The following FAM174A variants were observed in gnomAD, a reference collection of about 807,000 sequenced individuals.
FAM174A encodes the protein family with sequence similarity 174 member A, also known as membrane protein FAM174A.
A neutral mutation model predicts 14.3 loss-of-function variants in FAM174A; 14 were observed. The ratio of observed to expected loss-of-function variants is 0.98; its 90% CI spans 0.65 to 1.53. The LOEUF (loss-of-function observed/expected upper bound fraction) is 1.53, where lower values mean the gene tolerates loss of function less well. Among genes scored for constraint, FAM174A ranks in the 40% most tolerant of loss-of-function variants. FAM174A has a pLI of 0.00. For missense variants in FAM174A, 241 were observed against 249.6 expected (o/e 0.97, Z 0.23); for synonymous variants, 108 against 111.4 (o/e 0.97, Z 0.19).
intron 1 of FAM174A, among the ~76,000 whole-genome samples, chr5:100,538,485 G>C (rs912427463): frequency 2.0e-5 from 3 of 151,658 alleles, no homozygotes; most frequent in African/African-American, 7.3e-5. Flanking sequence ...GAACAGTCAG[G>C]TTCTCACTGT....
At chr5:100,566,141 G>GATAGATATATATAGATATAT in intron 2 of FAM174A, among the ~76,000 whole-genome samples, 1 of 81,802 alleles carries the variant, frequency 1.2e-5, no homozygotes, top group Non-Finnish European at 2.4e-5. Flanking sequence ...TGAAAAGTAT[G>GATAGATATATATAGATATAT]ATATATATAT....
intron 1 of FAM174A, among the ~76,000 whole-genome samples, chr5:100,558,619 G>C (rs528187584): frequency 1.8e-3 from 273 of 151,958 alleles, no homozygotes; most frequent in African/African-American, 6.2e-3. Context: ...AATCTGGGTG[G>C]TCCTGTATTG....
At chr5:100,582,599 T>G (rs1027924061) in intron 2 of FAM174A, among the ~76,000 whole-genome samples, 2 of 152,158 alleles carry the variant, frequency 1.3e-5, no homozygotes, top group African/African-American at 2.4e-5. Flanking sequence ...AATTAAAATC[T>G]ATAAAAATTT....
chr5:100,584,555 A>G (rs1747089901), intron 2 of FAM174A, among the ~76,000 whole-genome samples: 1 of 152,158 alleles, frequency 6.6e-6, no homozygotes, highest in Admixed American at 6.6e-5. Flanking sequence ...TAAATTTTCC[A>G]GCTTTAGATC....
intron 2 of FAM174A, among the ~76,000 whole-genome samples, chr5:100,576,953 G>T (rs1377303246): frequency 6.6e-6 from 1 of 152,134 alleles, no homozygotes; most frequent in African/African-American, 2.4e-5. Flanking sequence ...GGCCGCATAT[G>T]CTGACTAAAA....
At chr5:100,568,401 C>T (rs1746707523) in intron 2 of FAM174A, among the ~76,000 whole-genome samples, 1 of 151,810 alleles carries the variant, frequency 6.6e-6, no homozygotes, top group South Asian at 2.1e-4. Context: ...AAACTCTTTG[C>T]AACTGGGTTG....
At chr5:100,561,865 A>G (rs902199321) in intron 1 of FAM174A, among the ~76,000 whole-genome samples, 189 bp from the exon 2 acceptor site, 2 of 151,898 alleles carry the variant, frequency 1.3e-5, no homozygotes, top group African/African-American at 4.8e-5. Flanking sequence ...GCGATGGCAC[A>G]TAAACATGTA....
chr5:100,557,249 C>G (rs1329629741), intron 1 of FAM174A, among the ~76,000 whole-genome samples: 2 of 151,756 alleles, frequency 1.3e-5, no homozygotes, highest in Non-Finnish European at 2.9e-5. Flanking sequence ...TATTGATTTG[C>G]GTATGTTGAA....
At chr5:100,548,058 C>A (rs893289214) in intron 1 of FAM174A, among the ~76,000 whole-genome samples, 10 of 152,084 alleles carry the variant, frequency 6.6e-5, no homozygotes, top group South Asian at 2.1e-4. Context: ...GTTTTATAAT[C>A]AGGGAGAAAA....
rs1032671119 is a variant in FAM174A at position 100,535,436 on chromosome 5, C to T, written c.-95C>T. The T allele has an allele frequency of 6.4e-6, 9 of 1,410,320 alleles. No homozygotes were observed. The highest frequency in any genetic ancestry group is 8.8e-6 in the Non-Finnish European group (9 of 1,017,748). The allele number at this position is 1,410,320 out of a possible 1,614,324, so 87.4% of individuals were successfully genotyped here. On this transcript the variant is annotated 5_prime_UTR_variant, in exon 1 of 3. Transcript: ENST00000312637. ...CGGGCCTCTCCCTGGCGTTTGGTCA[C>T]CTCTGCTTCATTCTCCACCGCGCCT...
intron 1 of FAM174A, among the ~76,000 whole-genome samples, chr5:100,555,828 G>T (rs1353572003): frequency 2.0e-5 from 3 of 151,956 alleles, no homozygotes; most frequent in African/African-American, 2.4e-5. Context: ...GTTCATTGTG[G>T]ATTCTAGATA....
intron 1 of FAM174A, among the ~76,000 whole-genome samples, chr5:100,558,127 G>T (rs1746435694): frequency 6.6e-6 from 1 of 152,184 alleles, no homozygotes; most frequent in East Asian, 1.9e-4. Flanking sequence ...CAGAGATTCT[G>T]GTATGTTGTG....
Position 100,555,797 on chromosome 5 carries a change from C to T in FAM174A, c.435-6257C>T, listed in dbSNP as rs560675953. On this transcript the variant is annotated intron_variant, in intron 1 of 2. Transcript: ENST00000312637. ...GGGGTTGTTTTTTTCTTTGAGTTTT[C>T]TTTGAGTTTTTTTCTTTTGAGTTCA... Among the ~76,000 whole-genome samples the T allele has an allele frequency of 6.6e-5, 10 of 150,580 alleles. No homozygotes were observed. In the South Asian group the frequency reaches 1.9e-3, roughly 28 times the overall value.
chr5:100,538,233 C>G (rs184329807), intron 1 of FAM174A, among the ~76,000 whole-genome samples: 1 of 152,134 alleles, frequency 6.6e-6, no homozygotes, highest in Admixed American at 6.5e-5. Context: ...CTCATTTTGG[C>G]TCCCATTTTC....
intron 2 of FAM174A, among the ~76,000 whole-genome samples, chr5:100,570,736 T>C (rs1193758398): frequency 6.6e-6 from 1 of 152,026 alleles, no homozygotes; most frequent in Non-Finnish European, 1.5e-5. Flanking sequence ...TATATGCATA[T>C]AATATATCAA....
chr5:100,535,546 T>A lies in FAM174A; in HGVS notation c.16T>A (p.Cys6Ser). 6.2e-7 allele frequency: 1 copy of A among 1,613,034 alleles called. No homozygotes were observed. Among genetic ancestry groups the A allele is most frequent in the Non-Finnish European group, 8.5e-7 (1 of 1,179,916 alleles). The stretch of plus-strand genomic sequence containing the variant: ...TCCGGGAACGATGAAGGCCTCGCAG[T>A]GCTGCTGCTGTCTCAGCCACCTCTT... MKASQ[C>S]CCCLSHLLAS... The change falls in exon 1 of 3, where the codon TGC becomes AGC. Residue 6 changes from cysteine to serine, a missense_variant. By Grantham distance (112) the Cys-to-Ser change is moderately radical. Coordinates refer to ENST00000312637, the MANE Select transcript of FAM174A (RefSeq NM_198507.3).
At chr5:100,560,634 A>G (rs1369181653) in intron 1 of FAM174A, among the ~76,000 whole-genome samples, 1 of 151,998 alleles carries the variant, frequency 6.6e-6, no homozygotes, top group Non-Finnish European at 1.5e-5. Flanking sequence ...ATAAGACTCA[A>G]TTATTTGTTG....
chr5:100,544,408 GGAGAGAGA>G (rs144016021), intron 1 of FAM174A, among the ~76,000 whole-genome samples: 24 of 146,378 alleles, frequency 1.6e-4, no homozygotes, highest in African/African-American at 4.5e-4. Flanking sequence ...ATGAGATCCT[GGAGAGAGA>G]GAGAGAGAGA....
At chr5:100,572,505 G>A (rs1425176284) in intron 2 of FAM174A, among the ~76,000 whole-genome samples, 4 of 149,960 alleles carry the variant, frequency 2.7e-5, no homozygotes, top group South Asian at 2.1e-4. Flanking sequence ...TGCGGTGTTC[G>A]GTTTTTTGTT....
Sources: allele counts gnomAD v4.1 joint callset (sites outside exome capture counted in the v4.1 genomes callset), GRCh38; gene constraint gnomAD v4.1.1; transcripts MANE v1.5; gene names NCBI Gene and HGNC (gene_info 2026-07-23, HGNC 2026-07-21).